The following ZNF804B variants were observed in gnomAD, a reference collection of about 807,000 sequenced individuals.
ZNF804B encodes the protein zinc finger protein 804B, also known as zinc finger 804B.
ZNF804B carries 80 observed loss-of-function variants against 101.4 expected under a neutral mutation model. The observed-to-expected ratio is 0.79, with a 90% CI of 0.66 to 0.95. ZNF804B has a LOEUF of 0.95. Among genes scored for constraint, ZNF804B ranks in the 40% least tolerant of loss-of-function variants. ZNF804B has a pLI of 0.00. For missense variants in ZNF804B, 1,673 were observed against 1,561.9 expected, an observed-to-expected ratio of 1.07 and a Z score of -1.20; for synonymous variants, 622 against 558.8, an observed-to-expected ratio of 1.11 and a Z score of -1.59.
intron 1 of ZNF804B, among the ~76,000 whole-genome samples, chr7:88,819,320 G>A (rs928510831): frequency 1.3e-5 from 2 of 151,800 alleles, no homozygotes; most frequent in Non-Finnish European, 2.9e-5. Context: ...TAGTAGAGAC[G>A]AGGTTTCACC....
rs550501931 is a variant in ZNF804B, at chr7:88,815,270, A to G, written c.108+55186A>G. 4.0e-5 allele frequency among the ~76,000 whole-genome samples: 6 copies of G among 148,700 alleles called. No homozygotes were observed. In the East Asian group the frequency reaches 9.8e-4, roughly 24 times the overall value. On this transcript the variant is annotated intron_variant, in intron 1 of 3. Transcript: ENST00000333190. ...TTGTAATCTCTTATCTATGCTATCC[A>G]TATGATTCTGTAGAAACTCAGTATA...
chr7:89,012,656 G>A lies in ZNF804B; in HGVS notation c.109-205499G>A, dbSNP rs541658270. ...CTTCATTGTCCATATCACTATCAGC[G>A]TTTTGGTCAAAGCCATTCAACAAGT... On this transcript the variant is annotated intron_variant, in intron 1 of 3. Coordinates refer to ENST00000333190, the MANE Select transcript of ZNF804B (RefSeq NM_181646.5). Among the ~76,000 whole-genome samples the A allele has an allele frequency of 2.6e-4, 39 of 152,186 alleles. No homozygotes were observed. In the South Asian group the frequency reaches 5.4e-3, roughly 21 times the overall value.
intron 1 of ZNF804B, among the ~76,000 whole-genome samples, chr7:89,028,896 A>T (rs539345100): frequency 1.3e-5 from 2 of 152,174 alleles, no homozygotes; most frequent in Non-Finnish European, 2.9e-5. Flanking sequence ...AATTATTATT[A>T]TCAAGCAATT....
rs531961458 is a variant in ZNF804B at position 89,120,215 on chromosome 7, G to A, written c.109-97940G>A. Reference sequence around the variant, plus strand: ...AGGAGAATTGCTTGCTTGAACCTAGGAGGCAGAGGTTGCAGTGAGCGGAGA... The same window carrying A: ...AGGAGAATTGCTTGCTTGAACCTAGAAGGCAGAGGTTGCAGTGAGCGGAGA... On this transcript the variant is annotated intron_variant, in intron 1 of 3. Transcript: ENST00000333190. 2.0e-5 allele frequency among the ~76,000 whole-genome samples: 3 copies of A among 152,154 alleles called. No individual in the cohort carries two copies. In the East Asian group the frequency reaches 5.8e-4, roughly 29 times the overall value.
At chr7:89,281,878 CA>C (rs1397123468) in intron 2 of ZNF804B, among the ~76,000 whole-genome samples, 4 of 151,974 alleles carry the variant, frequency 2.6e-5, no homozygotes, top group African/African-American at 9.7e-5. Context: ...AGACAGAGTC[CA>C]AAAGTCTCAG....
At chr7:88,977,419 T>C (rs78671410) in intron 1 of ZNF804B, among the ~76,000 whole-genome samples, 3,437 of 151,612 alleles carry the variant, frequency 0.023, 132 homozygotes, top group African/African-American at 0.078. Flanking sequence ...GCCTCTATTT[T>C]ACTACTTGTT....
chr7:89,253,728 T>C (rs1789579169), intron 2 of ZNF804B, among the ~76,000 whole-genome samples: 1 of 152,002 alleles, frequency 6.6e-6, no homozygotes, highest in Non-Finnish European at 1.5e-5. Context: ...AAATAAAAAA[T>C]GTATATTACA....
At chr7:89,205,513 T>G (rs1788702404) in intron 1 of ZNF804B, among the ~76,000 whole-genome samples, 1 of 152,108 alleles carries the variant, frequency 6.6e-6, no homozygotes, top group Non-Finnish European at 1.5e-5. Flanking sequence ...TGGGAGAAAT[T>G]GGAGAAAACA....
chr7:88,933,168 C>T (rs1431192305), intron 1 of ZNF804B, among the ~76,000 whole-genome samples: 2 of 151,686 alleles, frequency 1.3e-5, no homozygotes, highest in Non-Finnish European at 1.5e-5. Context: ...TGTGATATGT[C>T]ACATAAAGAG....
chr7:88,926,815 C>A (rs981913334), intron 1 of ZNF804B, among the ~76,000 whole-genome samples: 1 of 152,062 alleles, frequency 6.6e-6, no homozygotes, highest in Non-Finnish European at 1.5e-5. Flanking sequence ...TTCCGAATTA[C>A]CCTTACAGCC....
intron 1 of ZNF804B, among the ~76,000 whole-genome samples, chr7:89,132,607 A>T (rs1205879627): frequency 6.6e-6 from 1 of 152,026 alleles, no homozygotes; most frequent in Non-Finnish European, 1.5e-5. Flanking sequence ...ATGGAGGTAA[A>T]CTATCATATC....
chr7:89,036,850 G>A (rs2040530), intron 1 of ZNF804B, among the ~76,000 whole-genome samples: 45,059 of 151,904 alleles, frequency 0.3, 7,036 homozygotes, highest in East Asian at 0.52. Context: ...AATATTGTTT[G>A]ATGACTATGG....
intron 2 of ZNF804B, among the ~76,000 whole-genome samples, chr7:89,248,562 T>TA (rs1789486969): frequency 6.7e-6 from 1 of 149,512 alleles, no homozygotes; most frequent in African/African-American, 2.5e-5. Context: ...AAAGGAGAAA[T>TA]AAAATCTTTT....
chr7:89,309,469 C>G (rs1450745795), intron 2 of ZNF804B, among the ~76,000 whole-genome samples: 1 of 151,784 alleles, frequency 6.6e-6, no homozygotes, highest in Non-Finnish European at 1.5e-5. Context: ...TTTAAAGAAG[C>G]AATATGCAGA....
intron 1 of ZNF804B, among the ~76,000 whole-genome samples, chr7:89,101,250 C>T (rs1790051005): frequency 6.9e-6 from 1 of 144,474 alleles, no homozygotes; most frequent in African/African-American, 2.9e-5. Flanking sequence ...TAGCTTTGAG[C>T]TATTTTCATG....
chr7:88,869,518 A>G (rs1428840767), intron 1 of ZNF804B, among the ~76,000 whole-genome samples: 1 of 151,898 alleles, frequency 6.6e-6, no homozygotes, highest in Non-Finnish European at 1.5e-5. Context: ...ATCCCCTCTC[A>G]CTCCATCAGA....
intron 1 of ZNF804B, among the ~76,000 whole-genome samples, chr7:88,880,382 A>G (rs1289519086): frequency 6.6e-6 from 1 of 152,148 alleles, no homozygotes; most frequent in Non-Finnish European, 1.5e-5. Flanking sequence ...AAAACAGATT[A>G]CAGTAGAAAT....
At chr7:88,802,549 G>A (rs1790608313) in intron 1 of ZNF804B, among the ~76,000 whole-genome samples, 1 of 152,012 alleles carries the variant, frequency 6.6e-6, no homozygotes, top group Admixed American at 6.6e-5. Context: ...AGATCTAACC[G>A]AACTTTGTTA....
rs557763376 is a variant in ZNF804B at position 88,912,848 on chromosome 7, C to T, written c.108+152764C>T. ...TGAAACAATGATTCCAAATATTGTGCGCATTAATATTGATTTGTGATTGAT... is the reference window on the plus strand; with the variant it reads ...TGAAACAATGATTCCAAATATTGTGTGCATTAATATTGATTTGTGATTGAT... On this transcript the variant is annotated intron_variant, in intron 1 of 3. Coordinates refer to ENST00000333190, the MANE Select transcript of ZNF804B (RefSeq NM_181646.5). Among the ~76,000 whole-genome samples, 495 of 151,960 alleles carry T rather than the reference C, an allele frequency of 3.3e-3. 4 individuals carry two copies. Among genetic ancestry groups the T allele is most frequent in the African/African-American group, 0.011 (470 of 41,422 alleles).
Sources: allele counts gnomAD v4.1 joint callset (sites outside exome capture counted in the v4.1 genomes callset), GRCh38; gene constraint gnomAD v4.1.1; transcripts MANE v1.5; gene names NCBI Gene and HGNC (gene_info 2026-07-23, HGNC 2026-07-21).